Variants in GMCL1 observed in about 807,000 individuals in gnomAD.
GMCL1 encodes the protein germ cell-less protein-like 1.
A neutral mutation model predicts 75.5 loss-of-function variants in GMCL1; 54 were observed. The observed-to-expected ratio is 0.71, with a 90% confidence interval of 0.57 to 0.90. The LOEUF is 0.90. Ranked by LOEUF, GMCL1 falls within the 40% of genes least tolerant of loss-of-function variation. The pLI is 0.00. For missense variants in GMCL1, 537 were observed against 622.7 expected (o/e 0.86, Z 1.47); for synonymous variants, 210 against 209.6 (o/e 1.00, Z -0.02).
rs551369382 is a variant in GMCL1, at chr2:69,868,973, C to T, written c.1219-746C>T. ...TACTCAAAATACAAAAAAAAAAGGC[C>T]GGGCACAGTGGCTTACACTTTGTAG... On this transcript the variant is annotated intron_variant, in intron 11 of 13. Coordinates refer to ENST00000282570, the MANE Select transcript of GMCL1 (RefSeq NM_178439.5). Among the ~76,000 whole-genome samples, 5 of 151,346 alleles carry T rather than the reference C, an allele frequency of 3.3e-5. No individual in the cohort carries two copies. In the East Asian group the frequency reaches 7.9e-4, roughly 24 times the overall value.
rs373586790 is a variant in GMCL1 at position 69,869,608 on chromosome 2, C to T, written c.1219-111C>T. The T allele has an allele frequency of 2.0e-3, 2,046 of 1,038,064 alleles. 5 individuals are homozygous for T. The highest frequency in any genetic ancestry group is 2.7e-3 in the Non-Finnish European group (1,895 of 711,684). 64.3% of individuals were successfully genotyped at this position (1,038,064 alleles called of 1,614,324 possible). ...AGTCACTGACAAAAAGTCGACCACC[C>T]ATGAGGGAAATACTTGGAATGAGTT... is the stretch of plus-strand genomic sequence containing the variant. On this transcript the variant is annotated intron_variant, in intron 11 of 13. Coordinates refer to ENST00000282570, the MANE Select transcript of GMCL1 (RefSeq NM_178439.5).
intron 8 of GMCL1, among the ~76,000 whole-genome samples, chr2:69,853,249 T>C (rs1675370549): frequency 6.6e-6 from 1 of 152,212 alleles, no homozygotes; most frequent in Non-Finnish European, 1.5e-5. Flanking sequence ...CTGGAACCAA[T>C]GTTGTTATTT....
chr2:69,848,000 T>A (rs1675204381), intron 7 of GMCL1, among the ~76,000 whole-genome samples: 1 of 152,222 alleles, frequency 6.6e-6, no homozygotes, highest in Non-Finnish European at 1.5e-5. Flanking sequence ...CTAAGAAATG[T>A]TGAAATTTTT....
rs570145885 is a variant in GMCL1 at position 69,877,113 on chromosome 2, G to A, written c.1453-1796G>A. Among the ~76,000 whole-genome samples the A allele has an allele frequency of 4.6e-4, 70 of 152,306 alleles. No individual in the cohort carries two copies. The Middle Eastern group carries it at 0.017, about 37-fold the overall frequency. The stretch of plus-strand genomic sequence containing the variant: ...GCTGCTCTGCTGCTGCTATATGTGG[G>A]CTCCACAGATTCCATCCACAATGGA... On this transcript the variant is annotated intron_variant, in intron 13 of 13. Transcript: ENST00000282570.
At chr2:69,845,143 G>T (rs568704246) in intron 6 of GMCL1, among the ~76,000 whole-genome samples, 1 of 152,132 alleles carries the variant, frequency 6.6e-6, no homozygotes, top group Admixed American at 6.5e-5. Context: ...ACCTGTTAGC[G>T]CCACACAGGG....
chr2:69,878,461 A>G (rs2104081556), intron 13 of GMCL1, among the ~76,000 whole-genome samples: 2 of 152,356 alleles, frequency 1.3e-5, no homozygotes, highest in Middle Eastern at 3.4e-3. Context: ...AGCTTGGGCA[A>G]TATAGAAAGA....
rs1480937822 is a variant in GMCL1 at position 69,829,934 on chromosome 2, A to G, written c.42A>G (p.Pro14=). ...GCCGGGTGCTGCGCCAGCCAAGACC[A>G]GCCCTTGCCCAGCAGGCGCAGGGTG... ...LSSRVLRQPR[P]ALAQQAQGAR... is the part of the protein sequence containing the mutation. The change falls in exon 1 of 14, where the codon CCA becomes CCG. Residue 14 remains proline (P), a synonymous_variant. Transcript: ENST00000282570. 1.6e-5 allele frequency: 25 copies of G among 1,604,558 alleles called. No individual in the cohort carries two copies. The highest frequency in any genetic ancestry group is 2.1e-5 in the Non-Finnish European group (25 of 1,175,758).
At chr2:69,854,324 C>G (rs1167486685) in intron 8 of GMCL1, among the ~76,000 whole-genome samples, 1 of 152,038 alleles carries the variant, frequency 6.6e-6, no homozygotes, top group Non-Finnish European at 1.5e-5. Flanking sequence ...CATACAGTGT[C>G]TTTCTTATTT....
At chr2:69,862,896 A>G (rs1468583170) in intron 10 of GMCL1, among the ~76,000 whole-genome samples, 1 of 152,216 alleles carries the variant, frequency 6.6e-6, no homozygotes, top group Non-Finnish European at 1.5e-5. Flanking sequence ...GAACTGAAGC[A>G]TTTTGTAGTG....
At chr2:69,858,224 AG>A (rs1312502188) in intron 9 of GMCL1, among the ~76,000 whole-genome samples, 4 of 152,248 alleles carry the variant, frequency 2.6e-5, no homozygotes, top group Admixed American at 6.5e-5. Flanking sequence ...CATGTTACCC[AG>A]GCTGTTCTCA....
chr2:69,864,805 C>T, intron 10 of GMCL1, 95 bp from the exon 11 acceptor site: 1 of 761,434 alleles, frequency 1.3e-6, no homozygotes, highest in Non-Finnish European at 2.2e-6. Flanking sequence ...ATTTTTAAAT[C>T]TGGTAGCAAG....
chr2:69,837,920 T>C (rs983518242), intron 2 of GMCL1, among the ~76,000 whole-genome samples: 1 of 152,230 alleles, frequency 6.6e-6, no homozygotes, highest in Non-Finnish European at 1.5e-5. Flanking sequence ...AAAATGCTTT[T>C]TTCGGTGCCT....
chr2:69,838,774 C>G (rs1674896486), intron 2 of GMCL1, among the ~76,000 whole-genome samples: 1 of 152,162 alleles, frequency 6.6e-6, no homozygotes, highest in African/African-American at 2.4e-5. Context: ...TCTGTTAAAA[C>G]TTTACCCCTC....
At chr2:69,841,156 T>G in intron 4 of GMCL1, 117 bp downstream of exon 4, 1 of 637,936 alleles carries the variant, frequency 1.6e-6, no homozygotes, top group Non-Finnish European at 2.7e-6. Context: ...AAAAATGAAA[T>G]GTATAAATAT....
At chr2:69,869,107 C>T (rs983217478) in intron 11 of GMCL1, among the ~76,000 whole-genome samples, 1 of 148,436 alleles carries the variant, frequency 6.7e-6, no homozygotes, top group Non-Finnish European at 1.5e-5. Flanking sequence ...ACAAAATTAG[C>T]CAGGCTTGGC....
rs138299558 is a variant in GMCL1, at chr2:69,864,963, C to T, written c.1206C>T (p.Ala402=). Residue 402 remains alanine, a synonymous_variant, in exon 11 of 14, where the codon GCC becomes GCT. Transcript: ENST00000282570. Reference sequence around the variant, plus strand: ...GCATGAGGTGTGGTAGAAAGCTTGCCAAAGATGGTGAAGTAAGTATGGGTT... The same window carrying T: ...GCATGAGGTGTGGTAGAAAGCTTGCTAAAGATGGTGAAGTAAGTATGGGTT... ...GNSMRCGRKL[A]KDGEYCWRWT... 83 of 1,612,210 alleles carry T rather than the reference C, an allele frequency of 5.1e-5. No individual in the cohort carries two copies. The East Asian group carries it at 1.8e-3, about 35-fold the overall frequency.
At chr2:69,843,809 G>A (rs1675052943) in intron 5 of GMCL1, among the ~76,000 whole-genome samples, 1 of 152,150 alleles carries the variant, frequency 6.6e-6, no homozygotes, top group African/African-American at 2.4e-5. Flanking sequence ...CTGATAGACT[G>A]ACAGTCCTTC....
rs1353809336 is a variant in GMCL1 at position 69,878,945 on chromosome 2, A to C, written c.1489A>C (p.Ile497Leu). Residue 497 changes from isoleucine (I) to leucine (L), a missense_variant, in exon 14 of 14, where the codon ATC becomes CTC. Ile to Leu is a conservative substitution (Grantham distance 5). Coordinates refer to ENST00000282570, the MANE Select transcript of GMCL1 (RefSeq NM_178439.5). The part of the protein sequence containing the change: ...VVMNLDSRLL[I>L]FPLYICCNFL... ...GATGAACTTGGACAGCAGGCTTCTG[A>C]TCTTCCCTTTATATATCTGCTGTAA... is the stretch of plus-strand genomic sequence containing the variant. 1.9e-6 allele frequency: 3 copies of C among 1,610,698 alleles called. No individual in the cohort carries two copies. The African/African-American group carries it at 4.0e-5, about 22-fold the overall frequency.
At chr2:69,870,927 G>A (rs1675964394) in intron 12 of GMCL1, among the ~76,000 whole-genome samples, 1 of 152,150 alleles carries the variant, frequency 6.6e-6, no homozygotes, top group Non-Finnish European at 1.5e-5. Flanking sequence ...ACTGCTCGTG[G>A]CCATGTAAAA....
Sources: allele counts gnomAD v4.1 joint callset (sites outside exome capture counted in the v4.1 genomes callset), GRCh38; gene constraint gnomAD v4.1.1; transcripts MANE v1.5; gene names NCBI Gene and HGNC (gene_info 2026-07-23, HGNC 2026-07-21).